DPP6: variants seen among roughly 807,000 people sequenced by gnomAD.
DPP6 encodes A-type potassium channel modulatory protein DPP6.
A neutral mutation model predicts 122.6 loss-of-function variants in DPP6; 69 were observed. The observed-to-expected ratio is 0.56, with a 90% confidence interval of 0.46 to 0.69. The LOEUF is 0.69. Among genes scored for constraint, DPP6 ranks in the 30% least tolerant of loss-of-function variants. The pLI is 0.00. For missense variants in DPP6, 928 were observed against 1,116.9 expected, an observed-to-expected ratio of 0.83 and a Z score of 2.41; for synonymous variants, 418 against 433.1, an observed-to-expected ratio of 0.97 and a Z score of 0.43.
chr7:154,208,053 TAAAG>T (rs1223693421), intron 1 of DPP6, among the ~76,000 whole-genome samples: 1 of 152,188 alleles, frequency 6.6e-6, no homozygotes, highest in African/African-American at 2.4e-5. Flanking sequence ...TGTGATATGA[TAAAG>T]AAAACAGGCA....
intron 1 of DPP6, among the ~76,000 whole-genome samples, chr7:154,441,672 G>T (rs1404747327): frequency 6.6e-6 from 1 of 152,148 alleles, no homozygotes; most frequent in Non-Finnish European, 1.5e-5. Context: ...TGACAGAGAG[G>T]CGTGGGCTCT....
In DPP6 at chr7:154,405,249, C is replaced by G. The variant is rs1356398265; in HGVS notation, c.244-40965C>G. ...TTACATAGCGCTTCCTCCAGATCTTCAGGTCCAGATCCAGTGAAAAGGAAA... is the reference window on the plus strand; with the variant it reads ...TTACATAGCGCTTCCTCCAGATCTTGAGGTCCAGATCCAGTGAAAAGGAAA... On this transcript the variant is annotated intron_variant, in intron 1 of 25. Transcript: ENST00000377770. 3.9e-5 allele frequency among the ~76,000 whole-genome samples: 6 copies of G among 152,274 alleles called. No homozygotes were observed. In the East Asian group the frequency reaches 1.2e-3, roughly 29 times the overall value.
intron 10 of DPP6, among the ~76,000 whole-genome samples, chr7:154,775,834 G>C (rs908576617): frequency 6.6e-6 from 1 of 152,012 alleles, no homozygotes; most frequent in Non-Finnish European, 1.5e-5. Flanking sequence ...GGCCGAACCC[G>C]GTCAAAGCCA....
At chr7:154,752,456 C>T (rs1843441510) in intron 8 of DPP6, among the ~76,000 whole-genome samples, 1 of 152,120 alleles carries the variant, frequency 6.6e-6, no homozygotes, top group Non-Finnish European at 1.5e-5. Flanking sequence ...CTCCTGGGCT[C>T]TTGCTTCCCT....
intron 16 of DPP6, among the ~76,000 whole-genome samples, chr7:154,839,395 G>A (rs890098564): frequency 1.3e-5 from 2 of 152,362 alleles, no homozygotes; most frequent in African/African-American, 4.8e-5. Context: ...GCCCAGTGGA[G>A]CCCAGTAGAG....
At chr7:154,616,151 C>T (rs756267837) in intron 5 of DPP6, among the ~76,000 whole-genome samples, 23 of 152,258 alleles carry the variant, frequency 1.5e-4, no homozygotes, top group Non-Finnish European at 2.9e-4. Context: ...CAGAGTCAGT[C>T]ACCCCACTGA....
chr7:154,261,987 G>A (rs1302812308), intron 1 of DPP6, among the ~76,000 whole-genome samples: 1 of 151,314 alleles, frequency 6.6e-6, no homozygotes, highest in African/African-American at 2.5e-5. Flanking sequence ...GTGGATGTAA[G>A]CAGGGAAGGA....
At chr7:154,264,318 G>T (rs1002227311) in intron 1 of DPP6, among the ~76,000 whole-genome samples, 2 of 152,114 alleles carry the variant, frequency 1.3e-5, no homozygotes, top group Non-Finnish European at 2.9e-5. Flanking sequence ...ATATTTCATG[G>T]TAGGACAGAG....
intron 2 of DPP6, among the ~76,000 whole-genome samples, chr7:154,456,343 G>A (rs187195334): frequency 6.6e-6 from 1 of 152,318 alleles, no homozygotes; most frequent in Admixed American, 6.5e-5. Flanking sequence ...GTGCATTTAA[G>A]TATGGTATTA....
chr7:154,583,454 G>C (rs1469210469), intron 5 of DPP6, among the ~76,000 whole-genome samples: 1 of 152,170 alleles, frequency 6.6e-6, no homozygotes, highest in Non-Finnish European at 1.5e-5. Flanking sequence ...GAGGTCCTCA[G>C]GTGCTCAGAC....
At chr7:154,334,348 C>T (rs900686830) in intron 1 of DPP6, among the ~76,000 whole-genome samples, 1 of 152,172 alleles carries the variant, frequency 6.6e-6, no homozygotes, top group Admixed American at 6.5e-5. Context: ...GCAAGAAGGA[C>T]AGATGATGTT....
chr7:153,826,313 A>G, the DPP6 span, among the ~76,000 whole-genome samples: 2 of 152,242 alleles, frequency 1.3e-5, no homozygotes, highest in South Asian at 4.1e-4. Flanking sequence ...CTGCCCAACC[A>G]AAGTGAACAC....
At chr7:154,003,560 T>G (rs1797778631) in intron 1 of DPP6, among the ~76,000 whole-genome samples, 1 of 152,222 alleles carries the variant, frequency 6.6e-6, no homozygotes, top group Non-Finnish European at 1.5e-5. Context: ...CTTAGTGGGC[T>G]TAAGACAGCA....
At chr7:154,781,141 G>A (rs539388984) in intron 10 of DPP6, among the ~76,000 whole-genome samples, 36 of 152,134 alleles carry the variant, frequency 2.4e-4, no homozygotes, top group African/African-American at 8.2e-4. Flanking sequence ...ATGGAAAAAT[G>A]GTTGATGGAT....
chr7:154,493,491 T>G (rs1476864172), intron 3 of DPP6, among the ~76,000 whole-genome samples: 1 of 149,714 alleles, frequency 6.7e-6, no homozygotes, highest in Admixed American at 6.7e-5. Flanking sequence ...TATTTGAAGA[T>G]GTAGACAGCA....
intron 1 of DPP6, among the ~76,000 whole-genome samples, chr7:154,356,581 CA>C (rs1023536504): frequency 6.5e-4 from 96 of 147,728 alleles, no homozygotes; most frequent in Non-Finnish European, 1.1e-3. Flanking sequence ...ACCCCCCCAC[CA>C]AAAAAAAAAT....
At chr7:154,653,234 G>A (rs750862979) in intron 6 of DPP6, among the ~76,000 whole-genome samples, 3 of 152,218 alleles carry the variant, frequency 2.0e-5, no homozygotes, top group Non-Finnish European at 2.9e-5. Flanking sequence ...CATGCCTAAC[G>A]CCCCAACAGC....
At chr7:153,928,394 TCA>T (rs1801006991) in intron 1 of DPP6, among the ~76,000 whole-genome samples, 5 of 104,418 alleles carry the variant, frequency 4.8e-5, no homozygotes, top group Non-Finnish European at 9.0e-5. Context: ...TTCTTTTCTT[TCA>T]TTTTTTTTTT....
At chr7:154,361,336 G>A (rs934516210) in intron 1 of DPP6, among the ~76,000 whole-genome samples, 8 of 152,076 alleles carry the variant, frequency 5.3e-5, no homozygotes, top group South Asian at 2.1e-4. Context: ...TCATTTTCTC[G>A]GAAAAGTCTC....
Sources: gnomAD v4.1 joint callset for allele counts (sites outside exome capture counted in the v4.1 genomes callset) on GRCh38, gnomAD v4.1.1 for gene constraint, MANE v1.5 for transcripts, NCBI Gene and HGNC (gene_info 2026-07-23, HGNC 2026-07-21) for gene names.